RASAL2: variants seen among roughly 807,000 people sequenced by gnomAD.
RASAL2 encodes the protein RAS protein activator like 2.
RASAL2 carries 58 observed loss-of-function variants against 128.9 expected under a neutral mutation model. The observed-to-expected ratio is 0.45, with a 90% confidence interval of 0.36 to 0.56. The LOEUF is 0.56. Ranked by LOEUF, RASAL2 falls within the 20% of genes least tolerant of loss-of-function variation. RASAL2 has a pLI of 0.00. For missense variants in RASAL2, 1,360 were observed against 1,601.6 expected, an observed-to-expected ratio of 0.85 and a Z score of 2.57; for synonymous variants, 561 against 580.8, an observed-to-expected ratio of 0.97 and a Z score of 0.49.
At chr1:178,452,059 C>T (rs1005046284) in intron 10 of RASAL2, among the ~76,000 whole-genome samples, 9 of 152,116 alleles carry the variant, frequency 5.9e-5, no homozygotes, top group Admixed American at 3.9e-4. Flanking sequence ...TGCTCTAACT[C>T]CAGCAATTGG....
intron 8 of RASAL2, 72 bp downstream of exon 8, chr1:178,443,301 G>A: frequency 7.5e-7 from 1 of 1,329,334 alleles, no homozygotes; most frequent in Non-Finnish European, 1.0e-6. Context: ...TATGGATATT[G>A]TAGAAATCCA....
At chr1:178,389,042 C>CA (rs1292739991) in intron 3 of RASAL2, among the ~76,000 whole-genome samples, 2 of 152,122 alleles carry the variant, frequency 1.3e-5, no homozygotes, top group Non-Finnish European at 2.9e-5. Context: ...GTGGAAGTAG[C>CA]ACGGATCCCA....
chr1:178,255,370 A>G (rs1409150257), intron 1 of RASAL2, among the ~76,000 whole-genome samples: 2 of 152,178 alleles, frequency 1.3e-5, no homozygotes, highest in Non-Finnish European at 2.9e-5. Context: ...AATAATATGT[A>G]TATTATTATT....
intron 3 of RASAL2, among the ~76,000 whole-genome samples, chr1:178,345,094 C>T (rs1431920931): frequency 6.6e-6 from 1 of 152,224 alleles, no homozygotes; most frequent in Admixed American, 6.5e-5. Context: ...CTACTCAAAC[C>T]GTGTCATTAA....
rs182540468 is a variant in RASAL2 at position 178,466,244 on chromosome 1, T to A, written c.3590+122T>A. Reference sequence around the variant, plus strand: ...TTATCCTTGTGGTACTGAGTACAAATGTGATAATTGACTGTATCTCTTAAA... The same window carrying A: ...TTATCCTTGTGGTACTGAGTACAAAAGTGATAATTGACTGTATCTCTTAAA... On this transcript the variant is annotated intron_variant, in intron 16 of 17. Transcript: ENST00000367649. 3.1e-5 allele frequency: 27 copies of A among 864,314 alleles called. 1 individual carries two copies. The Admixed American group carries it at 9.7e-4, about 31-fold the overall frequency. 53.5% of individuals were successfully genotyped at this position (864,314 alleles called of 1,614,324 possible). A position where few individuals can be genotyped will look rare whatever the true frequency, so the allele number is the denominator to read the frequency against.
chr1:178,454,265 A>T (rs542226362), intron 11 of RASAL2, among the ~76,000 whole-genome samples, 182 bp from the exon 12 acceptor site: 1 of 152,044 alleles, frequency 6.6e-6, no homozygotes, highest in South Asian at 2.1e-4. Flanking sequence ...TTCTCAAAGC[A>T]TTAGAATATT....
chr1:178,135,083 T>C (rs557850014), intron 1 of RASAL2, among the ~76,000 whole-genome samples: 1 of 152,332 alleles, frequency 6.6e-6, no homozygotes, highest in South Asian at 2.1e-4. Context: ...AGGTCAATTT[T>C]GGGATAGTTT....
At chr1:178,153,610 G>A (rs1165336709) in intron 1 of RASAL2, among the ~76,000 whole-genome samples, 2 of 152,096 alleles carry the variant, frequency 1.3e-5, no homozygotes, top group Non-Finnish European at 1.5e-5. Context: ...TATTTTTGAG[G>A]TTCATCCATG....
At chr1:178,409,115 T>G (rs563550120) in intron 4 of RASAL2, among the ~76,000 whole-genome samples, 65 of 152,260 alleles carry the variant, frequency 4.3e-4, no homozygotes, top group Non-Finnish European at 7.2e-4. Context: ...GCCATACTTT[T>G]AGGCCATGGG....
intron 3 of RASAL2, among the ~76,000 whole-genome samples, chr1:178,366,777 G>A (rs1321242113): frequency 6.6e-6 from 1 of 151,938 alleles, no homozygotes; most frequent in Non-Finnish European, 1.5e-5. Context: ...TGAAGTACTC[G>A]CTAAAACATG....
intron 3 of RASAL2, among the ~76,000 whole-genome samples, chr1:178,320,979 T>G (rs995284839): frequency 6.6e-6 from 1 of 152,248 alleles, no homozygotes; most frequent in South Asian, 2.1e-4. Flanking sequence ...TTTCAGTATA[T>G]CAGCTGGTTT....
intron 1 of RASAL2, among the ~76,000 whole-genome samples, chr1:178,120,072 A>T (rs551740876): frequency 6.6e-6 from 1 of 152,350 alleles, no homozygotes; most frequent in South Asian, 2.1e-4. Flanking sequence ...TGTACTTGAT[A>T]TTCACATTTT....
intron 4 of RASAL2, among the ~76,000 whole-genome samples, chr1:178,400,718 TCAA>T (rs545583165): frequency 3.7e-4 from 56 of 152,326 alleles, no homozygotes; most frequent in African/African-American, 1.2e-3. Flanking sequence ...GAAGGCACAC[TCAA>T]CAATATTTTA....
At chr1:178,108,212 C>A (rs1571482925) in intron 1 of RASAL2, among the ~76,000 whole-genome samples, 1 of 152,248 alleles carries the variant, frequency 6.6e-6, no homozygotes, top group East Asian at 1.9e-4. Flanking sequence ...TGATATTGAG[C>A]ATATTTTTAT....
At chr1:178,382,850 AC>A (rs1344272327) in intron 3 of RASAL2, among the ~76,000 whole-genome samples, 2 of 152,190 alleles carry the variant, frequency 1.3e-5, no homozygotes, top group Non-Finnish European at 2.9e-5. Flanking sequence ...ACTTGTCATC[AC>A]TAAGAACTAG....
At chr1:178,270,506 T>C (rs375670621) in intron 1 of RASAL2, among the ~76,000 whole-genome samples, 3 of 152,232 alleles carry the variant, frequency 2.0e-5, no homozygotes, top group African/African-American at 7.2e-5. Context: ...TATTAAAAAA[T>C]ATCTTATTTT....
chr1:178,424,731 A>T (rs1348603467), intron 5 of RASAL2, among the ~76,000 whole-genome samples: 1 of 152,138 alleles, frequency 6.6e-6, no homozygotes, highest in Non-Finnish European at 1.5e-5. Flanking sequence ...CAGAGTCTGG[A>T]ATTACAAGTG....
chr1:178,403,436 T>A (rs1046051988), intron 4 of RASAL2, among the ~76,000 whole-genome samples: 12 of 152,164 alleles, frequency 7.9e-5, no homozygotes, highest in South Asian at 6.2e-4. Context: ...CTTCAGGAGT[T>A]AAGATTCATA....
chr1:178,287,604 A>G (rs570353554), intron 2 of RASAL2, among the ~76,000 whole-genome samples: 6 of 152,210 alleles, frequency 3.9e-5, no homozygotes, highest in Admixed American at 6.5e-5. Flanking sequence ...ATGCCCATCA[A>G]TCAAGGGGTG....
Sources: gnomAD v4.1 joint callset for allele counts (sites outside exome capture counted in the v4.1 genomes callset) on GRCh38, gnomAD v4.1.1 for gene constraint, MANE v1.5 for transcripts, NCBI Gene and HGNC (gene_info 2026-07-23, HGNC 2026-07-21) for gene names.